PRKAR1A: variants seen among roughly 807,000 people sequenced by gnomAD.
PRKAR1A encodes the protein cAMP-dependent protein kinase type I-alpha regulatory subunit.
PRKAR1A carries 3 observed loss-of-function variants against 52.0 expected under a neutral mutation model. The observed-to-expected ratio is 0.06, with a 90% CI of 0.03 to 0.15. The LOEUF is 0.15. PRKAR1A is among the 10% of genes least tolerant of loss of function. The probability of loss-of-function intolerance (pLI) is 1.00; values close to 1 mark genes in which losing one functional copy is unlikely to be tolerated. For synonymous variants in PRKAR1A, 188 were observed against 168.4 expected (o/e 1.12, Z -0.90); for missense variants, 240 against 477.4 (o/e 0.50, Z 4.63).
rs2085981327 is a variant in PRKAR1A at position 68,531,754 on chromosome 17, G to C, written c.*1305G>C. 2.9e-6 allele frequency: 3 copies of C among 1,045,272 alleles called. No individual in the cohort carries two copies. In the African/African-American group the frequency reaches 5.0e-5, roughly 17 times the overall value. The allele number at this position is 1,045,272 out of a possible 1,614,324, so 64.7% of individuals were successfully genotyped here. ...TAAACTTGTGTATTGAGTCTTAACT[G>C]TATTTCAGTATTTTCCAGCCTTATG... On this transcript the variant is annotated 3_prime_UTR_variant, in exon 11 of 11. Transcript: ENST00000589228.
At chr17:68,429,702 C>A in the PRKAR1A span, among the ~76,000 whole-genome samples, 1 of 152,114 alleles carries the variant, frequency 6.6e-6, no homozygotes. Context: ...GATTCTCCTG[C>A]CCCAACCTCC....
At chr17:68,422,154 G>A in the PRKAR1A span, 97 of 241,198 alleles carry the variant, frequency 4.0e-4, no homozygotes, top group Middle Eastern at 6.5e-3. Context: ...TAGGCTGGGC[G>A]CGGTGGCTCA....
intron 11 of PRKAR1A, chr17:68,540,577 T>TAA: frequency 3.6e-6 from 2 of 553,522 alleles, no homozygotes; most frequent in Non-Finnish European, 6.9e-6. Flanking sequence ...GAAGTGAACA[T>TAA]ACAGCTTCCA....
chr17:68,420,126 C>T, the PRKAR1A span: 28 of 1,567,342 alleles, frequency 1.8e-5, no homozygotes, highest in Middle Eastern at 2.3e-4. Context: ...TCGCAGCTCT[C>T]GTCTTTACAA....
chr17:68,427,927 T>C, the PRKAR1A span, among the ~76,000 whole-genome samples: 6 of 152,202 alleles, frequency 3.9e-5, no homozygotes, highest in Non-Finnish European at 8.8e-5. Flanking sequence ...TCTCACTCTG[T>C]TGCCCAGGCT....
chr17:68,533,457 A>G (rs1408428180), downstream of PRKAR1A: 12 of 1,036,760 alleles, frequency 1.2e-5, no homozygotes, highest in Non-Finnish European at 1.3e-5. Flanking sequence ...AGTCCTGGTT[A>G]TAGTTGAATT....
At chr17:68,476,101 A>G in the PRKAR1A span, among the ~76,000 whole-genome samples, 1 of 152,056 alleles carries the variant, frequency 6.6e-6, no homozygotes, top group East Asian at 1.9e-4. Flanking sequence ...CTAATTGTTG[A>G]GTGCCTAGCT....
intron 3 of PRKAR1A, among the ~76,000 whole-genome samples, chr17:68,523,313 A>G (rs193092923): frequency 2.0e-5 from 3 of 152,268 alleles, no homozygotes; most frequent in Admixed American, 6.5e-5. Context: ...GAGCCAGGCT[A>G]TTTTGAGTTA....
chr17:68,413,715 C>G, the PRKAR1A span: 4 of 159,942 alleles, frequency 2.5e-5, no homozygotes, highest in African/African-American at 9.6e-5. Flanking sequence ...CCCCCAGCCT[C>G]GCTGCCGCCT....
the PRKAR1A span, among the ~76,000 whole-genome samples, chr17:68,501,173 C>T: frequency 6.6e-6 from 1 of 152,188 alleles, no homozygotes; most frequent in African/African-American, 2.4e-5. Context: ...CCTGACTCTT[C>T]ATTTCTCACT....
At chr17:68,513,781 G>T (rs1157954843) in intron 1 of PRKAR1A, among the ~76,000 whole-genome samples, 1 of 152,100 alleles carries the variant, frequency 6.6e-6, no homozygotes, top group African/African-American at 2.4e-5. Context: ...TTTGGTTTTC[G>T]TAATACATTA....
At chr17:68,504,160 G>T in the PRKAR1A span, among the ~76,000 whole-genome samples, 1 of 152,154 alleles carries the variant, frequency 6.6e-6, no homozygotes, top group Non-Finnish European at 1.5e-5. Context: ...CAATAGATGA[G>T]TGGATACAGA....
At chr17:68,505,852 A>T in the PRKAR1A span, among the ~76,000 whole-genome samples, 15 of 152,368 alleles carry the variant, frequency 9.8e-5, no homozygotes, top group African/African-American at 3.6e-4. Context: ...TGGCTCTTCA[A>T]GTATAACAAA....
At chr17:68,434,702 G>A in the PRKAR1A span, 1 of 1,471,444 alleles carries the variant, frequency 6.8e-7, no homozygotes, top group Admixed American at 2.0e-5. Context: ...AGAGGAGTTT[G>A]TTTTATTGGT....
the PRKAR1A span, among the ~76,000 whole-genome samples, chr17:68,419,591 A>G: frequency 2.0e-5 from 3 of 152,060 alleles, no homozygotes; most frequent in Admixed American, 6.5e-5. Context: ...AAATAATTAT[A>G]TCCTGATTTT....
At chr17:68,535,886 G>C, downstream of PRKAR1A, 1 of 453,966 alleles carries the variant, frequency 2.2e-6, no homozygotes, top group Non-Finnish European at 4.4e-6. Context: ...GTGAAAAGAA[G>C]ACTTTGGAAT....
At chr17:68,433,804 A>G in the PRKAR1A span, among the ~76,000 whole-genome samples, 1 of 96,638 alleles carries the variant, frequency 1.0e-5, no homozygotes, top group African/African-American at 5.0e-5. Flanking sequence ...TTTTTGAGAC[A>G]GAGTCTCTCG....
the PRKAR1A span, among the ~76,000 whole-genome samples, chr17:68,418,578 A>T: frequency 3.9e-5 from 6 of 152,314 alleles, no homozygotes; most frequent in African/African-American, 1.4e-4. Context: ...TTCTGGCCAG[A>T]TTGGACCAGA....
At chr17:68,542,676 C>T (rs2086358657) in intron 11 of PRKAR1A, 1 of 1,586,732 alleles carries the variant, frequency 6.3e-7, no homozygotes, top group African/African-American at 1.3e-5. Context: ...CGGAATATCA[C>T]TCGGGCCAGT....
Sources: allele counts gnomAD v4.1 joint callset (sites outside exome capture counted in the v4.1 genomes callset), GRCh38; gene constraint gnomAD v4.1.1; transcripts MANE v1.5; gene names NCBI Gene and HGNC (gene_info 2026-07-23, HGNC 2026-07-21).